DAOA: variants seen among roughly 807,000 people sequenced by gnomAD.
The protein encoded by DAOA is D-amino acid oxidase regulator.
In DAOA, 15 loss-of-function variants were observed where a neutral mutation model predicts 16.4. The ratio of observed to expected loss-of-function variants is 0.91; its 90% CI spans 0.61 to 1.41. The LOEUF is 1.41. Among genes scored for constraint, DAOA ranks in the 40% most tolerant of loss-of-function variants. DAOA has a pLI of 0.00. For synonymous variants in DAOA, 75 were observed against 59.1 expected (o/e 1.27, Z -1.23); for missense variants, 230 against 176.8 (o/e 1.30, Z -1.71).
intron 4 of DAOA, among the ~76,000 whole-genome samples, chr13:105,475,723 G>A (rs777799023): frequency 6.4e-4 from 98 of 152,224 alleles, no homozygotes; most frequent in Non-Finnish European, 1.0e-3. Flanking sequence ...GGGTGATTTA[G>A]GGTGAAGAAT....
intron 3 of DAOA, 82 bp downstream of exon 3, chr13:105,467,223 G>A: frequency 7.2e-7 from 1 of 1,388,690 alleles, no homozygotes; most frequent in African/African-American, 1.4e-5. Context: ...TAATACTTTT[G>A]ACATATTTTC....
chr13:105,478,267 T>C (rs1877482427), intron 4 of DAOA, among the ~76,000 whole-genome samples: 1 of 152,150 alleles, frequency 6.6e-6, no homozygotes, highest in Admixed American at 6.5e-5. Context: ...ACCAGGAAGA[T>C]TATGGTGTGT....
chr13:105,484,184 T>C (rs1325990082), intron 4 of DAOA, among the ~76,000 whole-genome samples: 1 of 152,168 alleles, frequency 6.6e-6, no homozygotes, highest in Non-Finnish European at 1.5e-5. Context: ...GTTGTCCATA[T>C]ATGTATAGGT....
chr13:105,489,385 T>A (rs1299219786), intron 4 of DAOA, among the ~76,000 whole-genome samples: 1 of 152,236 alleles, frequency 6.6e-6, no homozygotes, highest in African/African-American at 2.4e-5. Flanking sequence ...ATTTACTCAT[T>A]TCAAAGCATT....
rs772379222 is a variant in DAOA at position 105,489,857 on chromosome 13, A to G, written c.282-44A>G. 7 of 1,613,734 alleles carry G rather than the reference A, an allele frequency of 4.3e-6. No homozygotes were observed. In the South Asian group the frequency reaches 6.6e-5, roughly 15 times the overall value. ...GACACTTGACTCCGGTGATGAGGTT[A>G]CCTTTCACAAGACCTGGCCAACTGA... is the stretch of plus-strand genomic sequence containing the variant. On this transcript the variant is annotated intron_variant, in intron 4 of 5. Transcript: ENST00000375936.
At chr13:105,473,247 C>A (rs189070756) in intron 4 of DAOA, among the ~76,000 whole-genome samples, 25 of 151,972 alleles carry the variant, frequency 1.6e-4, no homozygotes, top group Admixed American at 1.6e-3. Flanking sequence ...CACTGTTTGA[C>A]CCCCTAGTAC....
intron 4 of DAOA, among the ~76,000 whole-genome samples, chr13:105,489,151 T>C (rs146422453): frequency 8.9e-4 from 136 of 152,312 alleles, no homozygotes; most frequent in African/African-American, 3.1e-3. Context: ...GGAAGTAACA[T>C]CTGAGCTGGC....
intron 4 of DAOA, among the ~76,000 whole-genome samples, chr13:105,485,972 G>A (rs1878076646): frequency 6.6e-6 from 1 of 152,106 alleles, no homozygotes; most frequent in Non-Finnish European, 1.5e-5. Context: ...AGCAGCCTAG[G>A]AAACAAACCC....
Position 105,467,105 on chromosome 13 carries a change from C to G in DAOA, c.97C>G (p.Leu33Val). ...IYFIGFQRSI[L>V]LSKSENSLNS... is the part of the protein sequence containing the mutation. ...CTTCATAGGTTTTCAAAGGAGCATT[C>G]TTCTGAGCAAATCTGAAAACTCTCT... The change falls in exon 3 of 6, where the codon CTT becomes GTT. Residue 33 changes from leucine to valine, a missense_variant. Physicochemically the swap from Leu to Val is conservative, Grantham distance 32. Transcript: ENST00000375936. 1 of 1,610,726 alleles carries G rather than the reference C, an allele frequency of 6.2e-7. No homozygotes were observed. The highest frequency in any genetic ancestry group is 8.5e-7 in the Non-Finnish European group (1 of 1,177,998).
chr13:105,480,267 A>G (rs1384411430), intron 4 of DAOA, among the ~76,000 whole-genome samples: 5 of 152,148 alleles, frequency 3.3e-5, no homozygotes, highest in Non-Finnish European at 5.9e-5. Flanking sequence ...TATTTGAATA[A>G]TGGTAGATTG....
chr13:105,471,515 T>C (rs72661138), intron 3 of DAOA, among the ~76,000 whole-genome samples: 5,676 of 152,286 alleles, frequency 0.037, 137 homozygotes, highest in South Asian at 0.063. Context: ...AATAAGTGTT[T>C]GCTACTTACT....
At chr13:105,472,074 G>C (rs1876993943) in intron 3 of DAOA, among the ~76,000 whole-genome samples, 1 of 152,204 alleles carries the variant, frequency 6.6e-6, no homozygotes, top group African/African-American at 2.4e-5. Context: ...CCGGAGGAAA[G>C]GCCCCTTGAC....
intron 3 of DAOA, among the ~76,000 whole-genome samples, chr13:105,469,872 T>G (rs1296337425): frequency 6.6e-6 from 1 of 152,194 alleles, no homozygotes; most frequent in African/African-American, 2.4e-5. Context: ...TTTAATATTC[T>G]GACAGTTGTG....
Position 105,489,981 on chromosome 13 carries a change from AC to A in DAOA, c.364del (p.Arg122AlafsTer5), listed in dbSNP as rs939801205. ...TTCCTTGCCTATGAGGCCTCTAAGGACCGCAGGCAGCCTCTAGAACGAATGT... is the reference window on the plus strand; with the variant it reads ...TTCCTTGCCTATGAGGCCTCTAAGGACGCAGGCAGCCTCTAGAACGAATGT... ...YEFLAYEASK[D>X]RRQPLERMWT... On this transcript the variant is annotated frameshift_variant, in exon 5 of 6. Coordinates refer to ENST00000375936, the MANE Select transcript of DAOA (RefSeq NM_172370.5). LOFTEE classifies it low-confidence loss of function (END_TRUNC). 6.2e-7 allele frequency: 1 copy of A among 1,613,448 alleles called. No homozygotes were observed. Among genetic ancestry groups the A allele is most frequent in the Non-Finnish European group, 8.5e-7 (1 of 1,179,806 alleles).
intron 3 of DAOA, 98 bp from the exon 4 acceptor site, chr13:105,472,440 A>G (rs1877024011): frequency 7.1e-7 from 1 of 1,413,846 alleles, no homozygotes; most frequent in Non-Finnish European, 9.3e-7. Flanking sequence ...TAAAATGGAC[A>G]ATTCCTACAA....
chr13:105,480,535 G>C (rs952354776), intron 4 of DAOA, among the ~76,000 whole-genome samples: 3 of 123,466 alleles, frequency 2.4e-5, no homozygotes, highest in Non-Finnish European at 5.1e-5. Flanking sequence ...TACATAGATA[G>C]ATAGATAGAT....
chr13:105,484,287 CT>C (rs1333108572), intron 4 of DAOA, among the ~76,000 whole-genome samples: 1 of 151,630 alleles, frequency 6.6e-6, no homozygotes, highest in East Asian at 1.9e-4. Flanking sequence ...CAGTTTTGTT[CT>C]TTTAGAAAAG....
chr13:105,469,256 C>T (rs1435992398), intron 3 of DAOA, among the ~76,000 whole-genome samples: 1 of 152,188 alleles, frequency 6.6e-6, no homozygotes, highest in African/African-American at 2.4e-5. Flanking sequence ...ACTGTCTTAA[C>T]CACCTAGGTG....
intron 4 of DAOA, among the ~76,000 whole-genome samples, chr13:105,478,971 A>G (rs1877526911): frequency 6.6e-6 from 1 of 152,320 alleles, no homozygotes; most frequent in East Asian, 1.9e-4. Flanking sequence ...TATCTCATCA[A>G]TTCATTTATT....
Sources: allele counts gnomAD v4.1 joint callset (sites outside exome capture counted in the v4.1 genomes callset), GRCh38; gene constraint gnomAD v4.1.1; transcripts MANE v1.5; gene names NCBI Gene and HGNC (gene_info 2026-07-23, HGNC 2026-07-21).